Variants in RABGAP1L observed in about 807,000 individuals in gnomAD.
RABGAP1L encodes the protein RAB GTPase activating protein 1 like, also known as rab GTPase-activating protein 1-like.
A neutral mutation model predicts 137.7 loss-of-function variants in RABGAP1L; 63 were observed. That is an observed-to-expected ratio of 0.46 (90% CI 0.37 to 0.56). The LOEUF is 0.56. Among genes scored for constraint, RABGAP1L ranks in the 20% least tolerant of loss-of-function variants. The pLI, the probability that RABGAP1L is intolerant of heterozygous loss-of-function variation, is 0.00. For synonymous variants in RABGAP1L, 431 were observed against 433.7 expected (o/e 0.99, Z 0.08); for missense variants, 1,095 against 1,244.0 (o/e 0.88, Z 1.80).
At chr1:174,770,435 A>G (rs1266042012) in intron 18 of RABGAP1L, among the ~76,000 whole-genome samples, 1 of 152,216 alleles carries the variant, frequency 6.6e-6, no homozygotes, top group Non-Finnish European at 1.5e-5. Flanking sequence ...ATATTATATA[A>G]TACCTTAAAT....
chr1:174,489,730 G>A (rs554961478), intron 13 of RABGAP1L, among the ~76,000 whole-genome samples: 15 of 152,258 alleles, frequency 9.9e-5, no homozygotes, highest in South Asian at 4.1e-4. Context: ...ACGTGCACAC[G>A]TATGTTTATT....
chr1:174,541,547 C>A (rs1246733623), intron 13 of RABGAP1L, among the ~76,000 whole-genome samples: 6 of 152,282 alleles, frequency 3.9e-5, no homozygotes, highest in Non-Finnish European at 8.8e-5. Flanking sequence ...GAGGCCAAGG[C>A]AGGCATATCA....
chr1:174,194,470 G>A (rs1447783703), intron 1 of RABGAP1L, among the ~76,000 whole-genome samples: 2 of 152,034 alleles, frequency 1.3e-5, no homozygotes, highest in Non-Finnish European at 2.9e-5. Flanking sequence ...TCCTGACCTC[G>A]TGATCTGCTC....
chr1:174,295,198 T>C (rs754058856), intron 10 of RABGAP1L, among the ~76,000 whole-genome samples: 4 of 151,576 alleles, frequency 2.6e-5, no homozygotes, highest in African/African-American at 9.7e-5. Context: ...ATTGCAGGCA[T>C]GAGCCACTGC....
At chr1:174,314,126 A>T (rs1036634645) in intron 11 of RABGAP1L, among the ~76,000 whole-genome samples, 1 of 152,116 alleles carries the variant, frequency 6.6e-6, no homozygotes, top group Non-Finnish European at 1.5e-5. Flanking sequence ...TCAACAGTGA[A>T]GTCATCGGTT....
At chr1:174,479,654 A>G (rs574256114) in intron 13 of RABGAP1L, among the ~76,000 whole-genome samples, 1 of 152,334 alleles carries the variant, frequency 6.6e-6, no homozygotes, top group Admixed American at 6.5e-5. Flanking sequence ...AAGCAGTAGT[A>G]TAAATTTGCA....
intron 13 of RABGAP1L, among the ~76,000 whole-genome samples, chr1:174,491,350 T>C (rs1572034957): frequency 6.6e-6 from 1 of 151,804 alleles, no homozygotes; most frequent in Admixed American, 6.6e-5. Context: ...GCTGAGGGAG[T>C]TTCTCAAAAT....
intron 3 of RABGAP1L, among the ~76,000 whole-genome samples, chr1:174,227,852 GTTTTTT>G (rs74263820): frequency 7.5e-6 from 1 of 132,834 alleles, no homozygotes. Context: ...AAATACTGTG[GTTTTTT>G]TTTTTTTTGC....
chr1:174,687,157 AAG>A (rs965696143), intron 15 of RABGAP1L, among the ~76,000 whole-genome samples: 2 of 152,168 alleles, frequency 1.3e-5, no homozygotes, highest in Non-Finnish European at 2.9e-5. Flanking sequence ...CAAAGAGAGA[AAG>A]AGAGAGATTC....
At chr1:174,795,060 A>G (rs1436078372) in intron 18 of RABGAP1L, among the ~76,000 whole-genome samples, 1 of 152,166 alleles carries the variant, frequency 6.6e-6, no homozygotes, top group East Asian at 1.9e-4. Flanking sequence ...GGATTGCAGC[A>G]CTGACCACCT....
intron 18 of RABGAP1L, among the ~76,000 whole-genome samples, chr1:174,756,299 G>A (rs1684750511): frequency 6.6e-6 from 1 of 152,026 alleles, no homozygotes; most frequent in Non-Finnish European, 1.5e-5. Flanking sequence ...ACAAGTGCAA[G>A]CCACCAAGCC....
intron 11 of RABGAP1L, chr1:174,367,836 G>C (rs946541402): frequency 6.0e-6 from 1 of 167,942 alleles, no homozygotes; most frequent in African/African-American, 2.4e-5. Context: ...GAATTCTGTT[G>C]GAGTACCCAT....
chr1:174,320,086 G>A (rs1679804339), intron 11 of RABGAP1L, among the ~76,000 whole-genome samples: 1 of 152,066 alleles, frequency 6.6e-6, no homozygotes, highest in Admixed American at 6.6e-5. Flanking sequence ...AAAATAAACG[G>A]TATGAAGGCA....
At chr1:174,655,253 A>G (rs1206538095) in intron 14 of RABGAP1L, among the ~76,000 whole-genome samples, 4 of 152,230 alleles carry the variant, frequency 2.6e-5, no homozygotes, top group African/African-American at 4.8e-5. Flanking sequence ...GATAGATTAG[A>G]AAAAGGATCC....
At chr1:174,463,716 T>G (rs1032428770) in intron 13 of RABGAP1L, among the ~76,000 whole-genome samples, 1 of 151,102 alleles carries the variant, frequency 6.6e-6, no homozygotes, top group Non-Finnish European at 1.5e-5. Flanking sequence ...ATGAAAAAAA[T>G]AACTCAACAT....
chr1:174,668,895 T>G (rs560695040), intron 14 of RABGAP1L, among the ~76,000 whole-genome samples: 6 of 152,338 alleles, frequency 3.9e-5, no homozygotes, highest in African/African-American at 1.4e-4. Flanking sequence ...TGGCCATTTG[T>G]ACGTCTTCTT....
intron 1 of RABGAP1L, chr1:174,159,915 A>G (rs1216224439): frequency 6.6e-6 from 1 of 152,068 alleles, no homozygotes; most frequent in Non-Finnish European, 1.5e-5. Flanking sequence ...CGGCGCCCTT[A>G]CCTGGGGGTG....
chr1:174,489,612 A>T (rs959962114), intron 13 of RABGAP1L, among the ~76,000 whole-genome samples: 9 of 152,078 alleles, frequency 5.9e-5, no homozygotes, highest in East Asian at 1.9e-4. Flanking sequence ...ATTGTGGAAG[A>T]CAGTGTGGCG....
chr1:174,181,257 T>TGGG (rs1483880858), intron 1 of RABGAP1L, among the ~76,000 whole-genome samples: 1 of 152,176 alleles, frequency 6.6e-6, no homozygotes, highest in African/African-American at 2.4e-5. Context: ...CCTCTCACTT[T>TGGG]GGTCTCCCAA....
Sources: gnomAD v4.1 joint callset for allele counts (sites outside exome capture counted in the v4.1 genomes callset) on GRCh38, gnomAD v4.1.1 for gene constraint, MANE v1.5 for transcripts, NCBI Gene and HGNC (gene_info 2026-07-23, HGNC 2026-07-21) for gene names.